The following ABCC6 variants were observed in gnomAD, a reference collection of about 807,000 sequenced individuals.
ABCC6 encodes the protein ATP binding cassette subfamily C member 6.
Under a neutral mutation model 169.5 loss-of-function variants are expected in ABCC6, and 126 were observed. The ratio of observed to expected loss-of-function variants is 0.74; its 90% confidence interval spans 0.64 to 0.86. The LOEUF is 0.86. Among genes scored for constraint, ABCC6 ranks in the 40% least tolerant of loss-of-function variants. ABCC6 has a pLI of 0.00. For missense variants in ABCC6, 1,733 were observed against 1,927.2 expected (o/e 0.90, Z 1.89); for synonymous variants, 752 against 814.7 (o/e 0.92, Z 1.31).
At chr16:16,150,283 C>T in intron 30 of ABCC6, 42 bp from the exon 31 acceptor site, 1 of 1,612,588 alleles carries the variant, frequency 6.2e-7, no homozygotes, top group Non-Finnish European at 8.5e-7. Flanking sequence ...TGGACACCAG[C>T]CCAGGCTCTC....
At position 16,188,912 on chromosome 16, in the gene ABCC6, T is replaced by G; in HGVS notation, c.1698A>C (p.Lys566Asn). The change falls in exon 13 of 31, where the codon AAA (lysine) becomes AAC (asparagine). Residue 566 changes from lysine (K) to asparagine (N), a missense_variant. By Grantham distance (94) the Lys-to-Asn change is moderately conservative. Transcript: ENST00000205557. ...LVAENAMNAE[K>N]AFVTLTVLNI... ...TGAGAACTGTGAGAGTCACAAAGGC[T>G]TTCTCTGCATTCATAGCATTCTCGG... 7 of 1,614,112 alleles carry G rather than the reference T, an allele frequency of 4.3e-6. No homozygotes were observed. The highest frequency in any genetic ancestry group is 5.9e-6 in the Non-Finnish European group (7 of 1,179,998).
At chr16:16,178,142 A>G (rs1289812238) in intron 18 of ABCC6, among the ~76,000 whole-genome samples, 1 of 152,056 alleles carries the variant, frequency 6.6e-6, no homozygotes, top group African/African-American at 2.4e-5. Flanking sequence ...CCTGGCCAAC[A>G]TGGTGAAACC....
At chr16:16,195,317 T>C (rs1228580841) in intron 10 of ABCC6, among the ~76,000 whole-genome samples, 1 of 145,888 alleles carries the variant, frequency 6.9e-6, no homozygotes, top group Non-Finnish European at 1.5e-5. Flanking sequence ...TTTTTTTTTT[T>C]TTTTTTTTTT....
intron 19 of ABCC6, 136 bp downstream of exon 19, chr16:16,177,316 C>T (rs1567495659): frequency 1.0e-6 from 1 of 955,826 alleles, no homozygotes; most frequent in Middle Eastern, 3.0e-4. Flanking sequence ...ATTAAGAGAG[C>T]TGTCTGCTTC....
chr16:16,208,808 C>T lies in ABCC6; in HGVS notation c.714G>A (p.Ser238=), dbSNP rs755822656. The T allele has an allele frequency of 9.2e-5, 148 of 1,613,252 alleles. No homozygotes were observed. Among genetic ancestry groups the T allele is most frequent in the Non-Finnish European group, 1.2e-4 (142 of 1,179,702 alleles). The change falls in exon 7 of 31, where the codon TCG becomes TCA. Residue 238 remains serine, a synonymous_variant. Coordinates refer to ENST00000205557, the MANE Select transcript of ABCC6 (RefSeq NM_001171.6). ...RRPLRPKDLW[S]LGRENSSEEL... is the part of the protein sequence containing the mutation. ...CTTCTGAGGAGTTTTCTCTCCCAAG[C>T]GACCAGAGGTCTTTTGGTCTCAGTG...
intron 17 of ABCC6, 121 bp downstream of exon 17, chr16:16,182,291 C>T: frequency 7.5e-7 from 1 of 1,335,948 alleles, no homozygotes; most frequent in Admixed American, 1.7e-5. Context: ...AGCCCTTTTT[C>T]TCCGCTACTT....
At chr16:16,165,484 TC>T (rs1399221953) in intron 23 of ABCC6, 138 bp downstream of exon 23, 1 of 856,440 alleles carries the variant, frequency 1.2e-6, no homozygotes, top group African/African-American at 1.7e-5. Flanking sequence ...GACTGTAGTG[TC>T]CCTGTCCCTG....
At position 16,159,458 on chromosome 16, in the gene ABCC6, C is replaced by A. The variant is rs762552663; in HGVS notation, c.3735+24G>T. The stretch of plus-strand genomic sequence containing the variant: ...CCCACAATATGTCCTTGCTGGGACC[C>A]CCTCCCCACCTCCCGCCCATCACCT... On this transcript the variant is annotated intron_variant, in intron 26 of 30. Transcript: ENST00000205557. The A allele has an allele frequency of 1.9e-6, 3 of 1,610,260 alleles. No individual in the cohort carries two copies. In the Admixed American group the frequency reaches 5.0e-5, roughly 27 times the overall value.
At chr16:16,185,202 C>A (rs537955495) in intron 14 of ABCC6, among the ~76,000 whole-genome samples, 168 bp from the exon 15 acceptor site, 2 of 152,296 alleles carry the variant, frequency 1.3e-5, no homozygotes, top group East Asian at 3.9e-4. Flanking sequence ...TGGGTGACCC[C>A]GCAGGGTTCT....
At chr16:16,182,360 T>C in intron 17 of ABCC6, 52 bp downstream of exon 17, 1 of 1,608,208 alleles carries the variant, frequency 6.2e-7, no homozygotes, top group Non-Finnish European at 8.5e-7. Context: ...GGGACCCAAA[T>C]GACTCCCAAC....
chr16:16,157,877 C>G, intron 26 of ABCC6, 68 bp from the exon 27 acceptor site: 1 of 1,527,944 alleles, frequency 6.5e-7, no homozygotes, highest in Non-Finnish European at 8.8e-7. Flanking sequence ...TGGCCCACCT[C>G]TATCAGCTTC....
intron 23 of ABCC6, among the ~76,000 whole-genome samples, chr16:16,163,449 C>T (rs1032774168): frequency 6.6e-6 from 1 of 152,198 alleles, no homozygotes; most frequent in Admixed American, 6.5e-5. Flanking sequence ...GAATCGGAAT[C>T]TCTGGAAATG....
In ABCC6 at chr16:16,193,350, G is replaced by T. The variant is rs1435291110; in HGVS notation, c.1339-428C>A. Among the ~76,000 whole-genome samples the T allele has an allele frequency of 2.0e-5, 3 of 152,170 alleles. No individual in the cohort carries two copies. The East Asian group carries it at 5.8e-4, about 29-fold the overall frequency. ...CATCAAGAAATAACCATAAAAATGG[G>T]CAACCAGCAGCCCTCTGGGTTGCTC... On this transcript the variant is annotated intron_variant, in intron 10 of 30. Transcript: ENST00000205557.
chr16:16,215,081 C>A (rs751223996), intron 4 of ABCC6, among the ~76,000 whole-genome samples: 1 of 152,214 alleles, frequency 6.6e-6, no homozygotes, highest in East Asian at 1.9e-4. Flanking sequence ...ATCCTTTCTC[C>A]GTTCCACCCT....
At position 16,221,415 on chromosome 16, in the gene ABCC6, G is replaced by T. The variant is rs1396606562; in HGVS notation, c.219+234C>A. On this transcript the variant is annotated intron_variant, in intron 2 of 30. Transcript: ENST00000205557. ...CTATAAACTGTCCAGGAACATGGGAGTGTATGCGTATGTTTGCGCATGCGT... is the reference window on the plus strand; with the variant it reads ...CTATAAACTGTCCAGGAACATGGGATTGTATGCGTATGTTTGCGCATGCGT... 216 of 1,416,246 alleles carry T rather than the reference G, an allele frequency of 1.5e-4. 1 individual carries two copies. Among genetic ancestry groups the T allele is most frequent in the East Asian group, 3.5e-4 (14 of 39,702 alleles). 87.7% of individuals were successfully genotyped at this position (1,416,246 alleles called of 1,614,324 possible). A position where few individuals can be genotyped will look rare whatever the true frequency, so the allele number is the denominator to read the frequency against.
intron 27 of ABCC6, among the ~76,000 whole-genome samples, chr16:16,156,161 C>T (rs2046547806): frequency 6.6e-6 from 1 of 152,162 alleles, no homozygotes; most frequent in Admixed American, 6.6e-5. Flanking sequence ...AGTGATCTGC[C>T]CACCTTGGCC....
At position 16,212,328 on chromosome 16, in the gene ABCC6, A is replaced by G. The variant is rs572771991; in HGVS notation, c.601-82T>C. 1.2e-3 allele frequency: 1,187 copies of G among 1,027,180 alleles called. 11 individuals are homozygous for G. In the African/African-American group the frequency reaches 0.014, roughly 12 times the overall value. 63.6% of individuals were successfully genotyped at this position (1,027,180 alleles called of 1,614,324 possible). On this transcript the variant is annotated intron_variant, in intron 5 of 30. Coordinates refer to ENST00000205557, the MANE Select transcript of ABCC6 (RefSeq NM_001171.6). ...GAACTGTGTATTTTTTTTTTTTTCG[A>G]GACAGGGTTTCGCTCTGTTGCCCAG... is the stretch of plus-strand genomic sequence containing the variant.
chr16:16,180,466 C>T (rs1165148152), intron 17 of ABCC6, among the ~76,000 whole-genome samples: 1 of 151,958 alleles, frequency 6.6e-6, no homozygotes, highest in Non-Finnish European at 1.5e-5. Flanking sequence ...TCTAGGCCTT[C>T]TTGTCTTTCA....
At chr16:16,163,764 G>A (rs2046799074) in intron 23 of ABCC6, among the ~76,000 whole-genome samples, 1 of 152,154 alleles carries the variant, frequency 6.6e-6, no homozygotes, top group South Asian at 2.1e-4. Context: ...AACTGAATTT[G>A]CTGAACACCC....
Sources: gnomAD v4.1 joint callset for allele counts (sites outside exome capture counted in the v4.1 genomes callset) on GRCh38, gnomAD v4.1.1 for gene constraint, MANE v1.5 for transcripts, NCBI Gene and HGNC (gene_info 2026-07-23, HGNC 2026-07-21) for gene names.